Variants in SDHAF3 observed in about 807,000 individuals in gnomAD.
The protein encoded by SDHAF3 is succinate dehydrogenase complex assembly factor 3.
SDHAF3 carries 18 observed loss-of-function variants against 11.5 expected under a neutral mutation model. The observed-to-expected ratio is 1.56, with a 90% confidence interval of 1.08 to 2.32. SDHAF3 has a LOEUF of 2.32. SDHAF3 is among the 30% of genes most tolerant of loss of function. The pLI, the probability that SDHAF3 is intolerant of heterozygous loss-of-function variation, is 0.00. For synonymous variants in SDHAF3, 72 were observed against 59.3 expected, an observed-to-expected ratio of 1.21 and a Z score of -0.99; for missense variants, 200 against 154.4, an observed-to-expected ratio of 1.30 and a Z score of -1.57.
At position 97,118,041 on chromosome 7, in the gene SDHAF3, C is replaced by G. The variant is rs150366972; in HGVS notation, c.174+144C>G. On this transcript the variant is annotated intron_variant, in intron 1 of 1. Transcript: ENST00000432641. ...CGTAATGCTGTTCAGGTAACACTTT[C>G]CAAAGTTTCTCCCACGGGTTTCTCA... 274 of 1,017,810 alleles carry G rather than the reference C, an allele frequency of 2.7e-4. No individual in the cohort carries two copies. In the African/African-American group the frequency reaches 3.7e-3, roughly 14 times the overall value. The allele number at this position is 1,017,810 out of a possible 1,614,324, so 63.0% of individuals were successfully genotyped here.
chr7:97,180,906 T>C (rs1357640877), intron 1 of SDHAF3, 106 bp from the exon 2 acceptor site: 3 of 924,282 alleles, frequency 3.2e-6, no homozygotes, highest in Non-Finnish European at 4.8e-6. Context: ...TGCTTCTGCA[T>C]TTACTGATGA....
chr7:97,158,827 G>T (rs983492336), intron 1 of SDHAF3, among the ~76,000 whole-genome samples: 2 of 152,150 alleles, frequency 1.3e-5, no homozygotes, highest in Non-Finnish European at 2.9e-5. Context: ...ATTTCATTCT[G>T]TAGTTAATTT....
intron 1 of SDHAF3, among the ~76,000 whole-genome samples, chr7:97,147,183 T>C (rs1365785045): frequency 6.6e-6 from 1 of 152,198 alleles, no homozygotes; most frequent in African/African-American, 2.4e-5. Flanking sequence ...TCATAGGCCT[T>C]TTCAATTTTC....
intron 1 of SDHAF3, among the ~76,000 whole-genome samples, chr7:97,134,325 A>G (rs1027255098): frequency 6.6e-6 from 1 of 152,212 alleles, no homozygotes; most frequent in Non-Finnish European, 1.5e-5. Context: ...TAAGCTATAG[A>G]TATATATAAC....
At chr7:97,162,197 T>C (rs1003374684) in intron 1 of SDHAF3, among the ~76,000 whole-genome samples, 1 of 152,194 alleles carries the variant, frequency 6.6e-6, no homozygotes, top group African/African-American at 2.4e-5. Context: ...ATGATGAGCT[T>C]TTTTTCATAT....
intron 1 of SDHAF3, among the ~76,000 whole-genome samples, chr7:97,168,240 A>G (rs1028788583): frequency 6.6e-5 from 10 of 152,174 alleles, no homozygotes; most frequent in Non-Finnish European, 1.0e-4. Flanking sequence ...AGAGCAAAAA[A>G]TCCTGCATCA....
intron 1 of SDHAF3, among the ~76,000 whole-genome samples, chr7:97,151,638 A>G (rs1309069335): frequency 6.6e-6 from 1 of 151,750 alleles, no homozygotes; most frequent in Admixed American, 6.6e-5. Flanking sequence ...AGCTGGGACT[A>G]CAGGCGCTTG....
chr7:97,134,150 A>C (rs910628665), intron 1 of SDHAF3, among the ~76,000 whole-genome samples: 1 of 152,228 alleles, frequency 6.6e-6, no homozygotes, highest in African/African-American at 2.4e-5. Flanking sequence ...ACGTTACTGC[A>C]AAAACAGCTA....
At chr7:97,176,639 G>T (rs892160918) in intron 1 of SDHAF3, among the ~76,000 whole-genome samples, 17 of 152,266 alleles carry the variant, frequency 1.1e-4, no homozygotes, top group Non-Finnish European at 2.2e-4. Context: ...GTAATGGGTG[G>T]TGTACGGGCG....
chr7:97,129,859 AG>A (rs1791639346), intron 1 of SDHAF3, among the ~76,000 whole-genome samples: 1 of 152,044 alleles, frequency 6.6e-6, no homozygotes, highest in Non-Finnish European at 1.5e-5. Flanking sequence ...TATGTGAGCA[AG>A]CGAGTGTGGG....
chr7:97,144,426 C>G (rs1283606631), intron 1 of SDHAF3, among the ~76,000 whole-genome samples: 1 of 152,124 alleles, frequency 6.6e-6, no homozygotes, highest in African/African-American at 2.4e-5. Context: ...GTGTTATCTT[C>G]TAGGATTTTT....
chr7:97,149,745 G>A (rs185295051), intron 1 of SDHAF3, among the ~76,000 whole-genome samples: 1 of 152,294 alleles, frequency 6.6e-6, no homozygotes, highest in African/African-American at 2.4e-5. Flanking sequence ...AATGATGAGG[G>A]GGGTAGTTGC....
chr7:97,165,520 G>A (rs1723072538), intron 1 of SDHAF3, among the ~76,000 whole-genome samples: 1 of 151,912 alleles, frequency 6.6e-6, no homozygotes, highest in Admixed American at 6.5e-5. Context: ...TGTGATTGAA[G>A]AATTTAAATG....
intron 1 of SDHAF3, among the ~76,000 whole-genome samples, chr7:97,166,612 C>T (rs1012600756): frequency 1.6e-4 from 25 of 152,092 alleles, no homozygotes; most frequent in Non-Finnish European, 3.2e-4. Flanking sequence ...TAATGCTGGT[C>T]AGCTGTGCCT....
chr7:97,152,576 G>A (rs1471338972), intron 1 of SDHAF3, among the ~76,000 whole-genome samples: 1 of 152,144 alleles, frequency 6.6e-6, no homozygotes, highest in Non-Finnish European at 1.5e-5. Flanking sequence ...TTATCCATAG[G>A]AGCAATTGAG....
At chr7:97,172,544 G>A (rs1254062191) in intron 1 of SDHAF3, among the ~76,000 whole-genome samples, 1 of 151,872 alleles carries the variant, frequency 6.6e-6, no homozygotes, top group Non-Finnish European at 1.5e-5. Flanking sequence ...TTTGTTTATT[G>A]AACCAGTCAG....
intron 1 of SDHAF3, among the ~76,000 whole-genome samples, chr7:97,160,204 C>T (rs1377372120): frequency 1.1e-4 from 14 of 131,550 alleles, no homozygotes; most frequent in Admixed American, 8.2e-4. Flanking sequence ...AAGTGAGGAG[C>T]GCCCCTGCCC....
intron 1 of SDHAF3, among the ~76,000 whole-genome samples, chr7:97,160,226 G>T (rs6943880): frequency 1.1e-3 from 147 of 132,932 alleles, no homozygotes; most frequent in Non-Finnish European, 1.2e-3. Context: ...GCCGCCCATC[G>T]TCTGGGAAGT....
chr7:97,173,940 AG>A (rs1789643302), intron 1 of SDHAF3, among the ~76,000 whole-genome samples: 1 of 148,272 alleles, frequency 6.7e-6, no homozygotes, highest in Non-Finnish European at 1.5e-5. Flanking sequence ...TTTTTTTTAA[AG>A]ACAGAGTCTT....
Sources: gnomAD v4.1 joint callset for allele counts (sites outside exome capture counted in the v4.1 genomes callset) on GRCh38, gnomAD v4.1.1 for gene constraint, MANE v1.5 for transcripts, NCBI Gene and HGNC (gene_info 2026-07-23, HGNC 2026-07-21) for gene names.